Variants in CRTC3 observed in about 807,000 individuals in gnomAD.
CRTC3 encodes CREB regulated transcription coactivator 3, also known as CREB-regulated transcription coactivator 3.
In CRTC3, 26 loss-of-function variants were observed where a neutral mutation model predicts 74.5. The observed-to-expected ratio is 0.35, with a 90% CI of 0.26 to 0.48. The LOEUF is 0.48. Among genes scored for constraint, CRTC3 ranks in the 20% least tolerant of loss-of-function variants. The probability of loss-of-function intolerance (pLI) is 0.99; values close to 1 mark genes in which losing one functional copy is unlikely to be tolerated. For missense variants in CRTC3, 760 were observed against 787.3 expected (o/e 0.97, Z 0.41); for synonymous variants, 377 against 325.8 (o/e 1.16, Z -1.69).
chr15:90,535,954 G>A (rs969578203), intron 1 of CRTC3, among the ~76,000 whole-genome samples: 7 of 152,172 alleles, frequency 4.6e-5, no homozygotes, highest in African/African-American at 1.4e-4. Context: ...GTGAATGTCT[G>A]TATACTTAGC....
At chr15:90,616,859 C>T (rs1007039744) in intron 7 of CRTC3, among the ~76,000 whole-genome samples, 1 of 152,216 alleles carries the variant, frequency 6.6e-6, no homozygotes, top group African/African-American at 2.4e-5. Context: ...CTCAGATCCT[C>T]TTGGTTGTTG....
intron 3 of CRTC3, chr15:90,599,188 C>G (rs1968007361): frequency 6.6e-6 from 1 of 151,870 alleles, no homozygotes; most frequent in Non-Finnish European, 1.5e-5. Flanking sequence ...CTTTGTTTAT[C>G]TTTTTCATCA....
intron 6 of CRTC3, among the ~76,000 whole-genome samples, chr15:90,613,371 A>G (rs905932684): frequency 6.6e-6 from 1 of 151,986 alleles, no homozygotes; most frequent in African/African-American, 2.4e-5. Context: ...CCTGAAAGAA[A>G]TTCTGTCTTT....
At chr15:90,548,049 C>T (rs1350017176) in intron 2 of CRTC3, among the ~76,000 whole-genome samples, 3 of 151,884 alleles carry the variant, frequency 2.0e-5, no homozygotes, top group African/African-American at 7.3e-5. Flanking sequence ...GCCACCACAC[C>T]CGGCCAGTTT....
intron 9 of CRTC3, among the ~76,000 whole-genome samples, chr15:90,623,564 C>T (rs1968724279): frequency 6.6e-6 from 1 of 152,180 alleles, no homozygotes; most frequent in African/African-American, 2.4e-5. Context: ...CTCTCCCTCC[C>T]TGCGCTCGTG....
intron 2 of CRTC3, among the ~76,000 whole-genome samples, chr15:90,589,276 T>C (rs1967742601): frequency 6.6e-6 from 1 of 152,088 alleles, no homozygotes; most frequent in East Asian, 1.9e-4. Context: ...AGGCTGGTCT[T>C]GAACTCCTGA....
In CRTC3 at chr15:90,642,082, C is replaced by A. The variant is rs1969468447; in HGVS notation, c.1802C>A (p.Ser601Tyr). The A allele has an allele frequency of 6.2e-7, 1 of 1,614,042 alleles. No homozygotes were observed. The highest frequency in any genetic ancestry group is 1.7e-5 in the Admixed American group (1 of 60,026). The change falls in exon 15 of 15, where the codon TCC becomes TAC. Residue 601 changes from serine (S) to tyrosine (Y), a missense_variant. Physicochemically the swap from Ser to Tyr is moderately radical, Grantham distance 144 (BLOSUM62 -2). Coordinates refer to ENST00000268184, the MANE Select transcript of CRTC3 (RefSeq NM_022769.5). The part of the protein sequence containing the change: ...SLDGLNMLSD[S>Y]SMGLLDPSVE... ...GACGGACTCAACATGTTAAGTGACT[C>A]CAGCATGGGCCTGCTGGACCCCTCT... is the stretch of plus-strand genomic sequence containing the variant.
At chr15:90,608,946 T>G (rs1215787157) in intron 6 of CRTC3, among the ~76,000 whole-genome samples, 2 of 152,218 alleles carry the variant, frequency 1.3e-5, no homozygotes, top group African/African-American at 4.8e-5. Context: ...CCCAGAAACT[T>G]TCAGGGCTGT....
intron 5 of CRTC3, among the ~76,000 whole-genome samples, chr15:90,606,405 T>C (rs1334860651): frequency 1.3e-5 from 2 of 151,920 alleles, no homozygotes; most frequent in Non-Finnish European, 2.9e-5. Context: ...CTACTAAAAA[T>C]ACAAAAGTTA....
chr15:90,538,773 C>T (rs199893505), intron 1 of CRTC3, among the ~76,000 whole-genome samples: 7 of 144,462 alleles, frequency 4.8e-5, no homozygotes, highest in African/African-American at 7.6e-5. Context: ...CAAACTTCAC[C>T]TTTTTTTTTT....
intron 1 of CRTC3, among the ~76,000 whole-genome samples, chr15:90,533,634 C>A (rs1966670503): frequency 6.6e-6 from 1 of 152,050 alleles, no homozygotes; most frequent in South Asian, 2.1e-4. Flanking sequence ...CTGAGTGAGT[C>A]CTTAGTGTGT....
At chr15:90,607,883 G>A (rs1305122298) in intron 6 of CRTC3, among the ~76,000 whole-genome samples, 2 of 152,236 alleles carry the variant, frequency 1.3e-5, no homozygotes, top group African/African-American at 4.8e-5. Flanking sequence ...GTCAGAGCTA[G>A]ATATCACCTT....
chr15:90,547,828 G>C (rs1223812275), intron 2 of CRTC3, among the ~76,000 whole-genome samples: 1 of 151,950 alleles, frequency 6.6e-6, no homozygotes, highest in African/African-American at 2.4e-5. Context: ...GCTGTAGAGA[G>C]AGGGACAAAG....
intron 2 of CRTC3, among the ~76,000 whole-genome samples, chr15:90,588,203 T>C (rs1391704827): frequency 1.3e-5 from 2 of 150,796 alleles, no homozygotes; most frequent in African/African-American, 4.9e-5. Flanking sequence ...GAGGTTACAG[T>C]GAGCTGAGAT....
At position 90,642,057 on chromosome 15, in the gene CRTC3, G is replaced by C; in HGVS notation, c.1777G>C (p.Asp593His). Residue 593 changes from aspartate to histidine, a missense_variant, in exon 15 of 15, where the codon GAC becomes CAC. By Grantham distance (81) the Asp-to-His change is moderately conservative (BLOSUM62 -1). This residue lies in a region of CRTC3 where 652 missense variants were observed against 635.2 expected (regional missense o/e 1.03). Coordinates refer to ENST00000268184, the MANE Select transcript of CRTC3 (RefSeq NM_022769.5). ...GCTGCAGATTGAACCCCTGAGCCTG[G>C]ACGGACTCAACATGTTAAGTGACTC... ...EELQIEPLSL[D>H]GLNMLSDSSM... 6.2e-7 allele frequency: 1 copy of C among 1,614,012 alleles called. No individual in the cohort carries two copies. The highest frequency in any genetic ancestry group is 1.1e-5 in the South Asian group (1 of 91,088).
chr15:90,642,544 G>T lies in CRTC3; in HGVS notation c.*404G>T. On this transcript the variant is annotated 3_prime_UTR_variant, in exon 15 of 15. Coordinates refer to ENST00000268184, the MANE Select transcript of CRTC3 (RefSeq NM_022769.5). ...CGTCCGCACCGAAGGCGGGCCCGGAGTGGGAGGCTCGGCCTGGGGCGGCGG... is the reference window on the plus strand; with the variant it reads ...CGTCCGCACCGAAGGCGGGCCCGGATTGGGAGGCTCGGCCTGGGGCGGCGG... The T allele has an allele frequency of 3.1e-6, 1 of 318,694 alleles. No individual in the cohort carries two copies. Among genetic ancestry groups the T allele is most frequent in the Non-Finnish European group, 5.9e-6 (1 of 169,722 alleles). The allele number at this position is 318,694 out of a possible 1,614,324, so 19.7% of individuals were successfully genotyped here.
chr15:90,550,936 C>G (rs1040941272), intron 2 of CRTC3, among the ~76,000 whole-genome samples: 1 of 151,942 alleles, frequency 6.6e-6, no homozygotes, highest in Non-Finnish European at 1.5e-5. Flanking sequence ...GAGAAGCTTA[C>G]GGAATGAAAC....
At chr15:90,533,450 G>A (rs1227275711) in intron 1 of CRTC3, among the ~76,000 whole-genome samples, 3 of 151,844 alleles carry the variant, frequency 2.0e-5, no homozygotes, top group Non-Finnish European at 4.4e-5. Context: ...GAAGAAAGTG[G>A]TTGCAGGTAT....
intron 2 of CRTC3, among the ~76,000 whole-genome samples, chr15:90,586,015 A>G (rs1967650882): frequency 1.3e-5 from 2 of 152,346 alleles, no homozygotes; most frequent in South Asian, 4.1e-4. Context: ...GCATAAAATA[A>G]TGGTGACATC....
Sources: allele counts gnomAD v4.1 joint callset (sites outside exome capture counted in the v4.1 genomes callset), GRCh38; gene constraint gnomAD v4.1.1; regional missense constraint gnomAD v4.1.1; transcripts MANE v1.5; gene names NCBI Gene and HGNC (gene_info 2026-07-23, HGNC 2026-07-21).